HABP4: variants seen among roughly 807,000 people sequenced by gnomAD.
The protein encoded by HABP4 is hyaluronan binding protein 4.
In HABP4, 32 loss-of-function variants were observed where a neutral mutation model predicts 44.1. That is an observed-to-expected ratio of 0.73 (90% CI 0.55 to 0.97). HABP4 has a LOEUF of 0.97. Among genes scored for constraint, HABP4 ranks in the 50% least tolerant of loss-of-function variants. HABP4 has a pLI of 0.00. For synonymous variants in HABP4, 216 were observed against 218.0 expected, an observed-to-expected ratio of 0.99 and a Z score of 0.08; for missense variants, 503 against 561.9, an observed-to-expected ratio of 0.90 and a Z score of 1.06.
chr9:96,479,892 G>A (rs1472052034), intron 5 of HABP4, among the ~76,000 whole-genome samples: 1 of 152,134 alleles, frequency 6.6e-6, no homozygotes, highest in Admixed American at 6.5e-5. Flanking sequence ...CTGGCCGGGT[G>A]CGGTGGCTCA....
intron 5 of HABP4, among the ~76,000 whole-genome samples, chr9:96,478,608 C>T (rs1032686709): frequency 5.3e-5 from 8 of 151,456 alleles, no homozygotes; most frequent in Admixed American, 5.3e-4. Flanking sequence ...TTATAACTTT[C>T]AGTCATTTTA....
At chr9:96,459,475 T>C (rs540199638) in intron 2 of HABP4, among the ~76,000 whole-genome samples, 1 of 152,276 alleles carries the variant, frequency 6.6e-6, no homozygotes, top group African/African-American at 2.4e-5. Context: ...GGAGGGGTTG[T>C]GTCTTATGTT....
chr9:96,456,777 AAAAATATATATATATATATATAT>A (rs1245463735), intron 1 of HABP4, among the ~76,000 whole-genome samples: 3 of 64,452 alleles, frequency 4.7e-5, no homozygotes, highest in African/African-American at 2.0e-4. Context: ...AAAAAAAAAA[AAAAATATATATATATATATATAT>A]ATATATATAT....
chr9:96,481,123 C>T (rs1431205329), intron 5 of HABP4, among the ~76,000 whole-genome samples: 3 of 152,166 alleles, frequency 2.0e-5, no homozygotes, highest in Non-Finnish European at 4.4e-5. Context: ...CTTGTTCTGT[C>T]GCCCAGGCTG....
At chr9:96,458,779 C>T (rs561789892) in intron 2 of HABP4, among the ~76,000 whole-genome samples, 109 of 152,146 alleles carry the variant, frequency 7.2e-4, no homozygotes, top group African/African-American at 2.6e-3. Context: ...TGTGCCACCA[C>T]GCCCGGCTAA....
intron 5 of HABP4, among the ~76,000 whole-genome samples, chr9:96,480,784 A>G (rs761880685): frequency 6.6e-6 from 1 of 152,228 alleles, no homozygotes; most frequent in Non-Finnish European, 1.5e-5. Context: ...CACTGTTTTG[A>G]CAAATGCATG....
At chr9:96,457,962 G>A (rs939261966) in intron 1 of HABP4, among the ~76,000 whole-genome samples, 10 of 152,184 alleles carry the variant, frequency 6.6e-5, no homozygotes, top group African/African-American at 2.4e-4. Flanking sequence ...GCTATGTAAT[G>A]TGCAGTTGGG....
At chr9:96,484,775 T>C in intron 6 of HABP4, 142 bp downstream of exon 6, 1 of 628,266 alleles carries the variant, frequency 1.6e-6, no homozygotes, top group East Asian at 2.7e-5. Context: ...GCATGCCTAA[T>C]TTTACTGTAT....
At chr9:96,458,003 A>G (rs891066249) in intron 1 of HABP4, among the ~76,000 whole-genome samples, 30 of 152,204 alleles carry the variant, frequency 2.0e-4, no homozygotes, top group Admixed American at 6.5e-4. Flanking sequence ...AATATAGGGT[A>G]TTCTTTCATT....
At chr9:96,460,298 C>CT (rs1357671638) in intron 2 of HABP4, among the ~76,000 whole-genome samples, 3 of 152,022 alleles carry the variant, frequency 2.0e-5, no homozygotes, top group Admixed American at 1.3e-4. Flanking sequence ...TCCATCTGCC[C>CT]TTCGAGACCC....
At chr9:96,466,497 A>T (rs1280818724) in intron 4 of HABP4, among the ~76,000 whole-genome samples, 1 of 152,112 alleles carries the variant, frequency 6.6e-6, no homozygotes, top group African/African-American at 2.4e-5. Flanking sequence ...CAGCCTCCCA[A>T]AGTGCTAGGA....
At chr9:96,475,390 C>CAAAAAAAAAAAAAAAAAAAAAAAAA (rs61553823) in intron 5 of HABP4, among the ~76,000 whole-genome samples, 1 of 94,158 alleles carries the variant, frequency 1.1e-5, no homozygotes, top group African/African-American at 4.0e-5. Flanking sequence ...ACAACAACAA[C>CAAAAAAAAAAAAAAAAAAAAAAAAA]AAAAAAAAAA....
intron 4 of HABP4, among the ~76,000 whole-genome samples, chr9:96,469,319 A>G (rs1046009093): frequency 6.6e-6 from 1 of 152,186 alleles, no homozygotes; most frequent in Non-Finnish European, 1.5e-5. Flanking sequence ...TCAAAGCAAA[A>G]TTTGATGAAA....
rs1833064672 is a variant in HABP4 at position 96,490,138 on chromosome 9, T to C, written c.*100T>C. ...GTCAGACTCTAAGAACAATAGATGTTGCTTTTCCCGTGTCATGTAAATTTG... is the reference window on the plus strand; with the variant it reads ...GTCAGACTCTAAGAACAATAGATGTCGCTTTTCCCGTGTCATGTAAATTTG... On this transcript the variant is annotated 3_prime_UTR_variant, in exon 8 of 8. Coordinates refer to ENST00000375249, the MANE Select transcript of HABP4 (RefSeq NM_014282.4). 2.6e-6 allele frequency: 2 copies of C among 772,562 alleles called. No homozygotes were observed. The highest frequency in any genetic ancestry group is 1.7e-5 in the African/African-American group (1 of 58,194). 47.9% of individuals were successfully genotyped at this position (772,562 alleles called of 1,614,324 possible).
chr9:96,472,393 C>A (rs1832713265), intron 5 of HABP4, among the ~76,000 whole-genome samples: 1 of 152,202 alleles, frequency 6.6e-6, no homozygotes, highest in Non-Finnish European at 1.5e-5. Context: ...CTGTACCCTT[C>A]CGCCATCGTC....
chr9:96,479,635 C>G (rs189660357), intron 5 of HABP4, among the ~76,000 whole-genome samples: 1 of 151,888 alleles, frequency 6.6e-6, no homozygotes, highest in African/African-American at 2.4e-5. Flanking sequence ...CTCAGCCTCC[C>G]GAGTAGCTGG....
At chr9:96,466,979 A>G (rs1479622014) in intron 4 of HABP4, among the ~76,000 whole-genome samples, 19 of 149,606 alleles carry the variant, frequency 1.3e-4, no homozygotes, top group Admixed American at 1.3e-3. Flanking sequence ...CTGGAGTGCA[A>G]TGGCGCGATC....
At chr9:96,466,734 T>A (rs1480190299) in intron 4 of HABP4, among the ~76,000 whole-genome samples, 1 of 151,986 alleles carries the variant, frequency 6.6e-6, no homozygotes, top group Admixed American at 6.6e-5. Flanking sequence ...CTAGTTAGAG[T>A]GGATACATGG....
At chr9:96,457,108 A>T (rs1349856699) in intron 1 of HABP4, among the ~76,000 whole-genome samples, 1 of 152,000 alleles carries the variant, frequency 6.6e-6, no homozygotes, top group Non-Finnish European at 1.5e-5. Flanking sequence ...AAAAGACCAG[A>T]GTCTCGGCCG....
Sources: allele counts gnomAD v4.1 joint callset (sites outside exome capture counted in the v4.1 genomes callset), GRCh38; gene constraint gnomAD v4.1.1; transcripts MANE v1.5; gene names NCBI Gene and HGNC (gene_info 2026-07-23, HGNC 2026-07-21).